The following KCTD7 variants were observed in gnomAD, a reference collection of about 807,000 sequenced individuals.
KCTD7 encodes BTB/POZ domain-containing protein KCTD7.
A neutral mutation model predicts 27.0 loss-of-function variants in KCTD7; 15 were observed. The ratio of observed to expected loss-of-function variants is 0.56; its 90% CI spans 0.37 to 0.86. The LOEUF (loss-of-function observed/expected upper bound fraction) is 0.86. Ranked by LOEUF, KCTD7 falls within the 40% of genes least tolerant of loss-of-function variation. The pLI, the probability that KCTD7 is intolerant of heterozygous loss-of-function variation, is 0.00. For missense variants in KCTD7, 299 were observed against 398.9 expected, an observed-to-expected ratio of 0.75 and a Z score of 2.13; for synonymous variants, 159 against 162.7, an observed-to-expected ratio of 0.98 and a Z score of 0.17.
At position 66,642,628 on chromosome 7, in the gene KCTD7, A is replaced by G; in HGVS notation, c.*3396A>G. ...TATGTTCTATCCATATTTGATTCCA[A>G]TATACATTATTAAGCTTTCTTGGGT... is the stretch of plus-strand genomic sequence containing the variant. On this transcript the variant is annotated 3_prime_UTR_variant, in exon 4 of 4. Coordinates refer to ENST00000639828, the MANE Select transcript of KCTD7 (RefSeq NM_153033.5). 2 of 985,366 alleles carry G rather than the reference A, an allele frequency of 2.0e-6. No homozygotes were observed. The highest frequency in any genetic ancestry group is 2.4e-6 in the Non-Finnish European group (2 of 829,908). 61.0% of individuals were successfully genotyped at this position (985,366 alleles called of 1,614,324 possible).
At chr7:66,631,289 A>C (rs1786435639) in intron 1 of KCTD7, among the ~76,000 whole-genome samples, 1 of 152,192 alleles carries the variant, frequency 6.6e-6, no homozygotes, top group African/African-American at 2.4e-5. Context: ...GAGAGATGTA[A>C]TATTGAAAAG....
At chr7:66,630,560 A>G (rs1289721375) in intron 1 of KCTD7, among the ~76,000 whole-genome samples, 1 of 152,170 alleles carries the variant, frequency 6.6e-6, no homozygotes, top group Non-Finnish European at 1.5e-5. Flanking sequence ...GCCCTCAACA[A>G]TTGAGGCCCT....
At chr7:66,636,956 A>G (rs1786600120) in intron 2 of KCTD7, among the ~76,000 whole-genome samples, 1 of 152,080 alleles carries the variant, frequency 6.6e-6, no homozygotes, top group Non-Finnish European at 1.5e-5. Flanking sequence ...AACACCTAGA[A>G]CTCTTCTGCA....
Position 66,642,054 on chromosome 7 carries a change from G to A in KCTD7, c.*2822G>A, listed in dbSNP as rs533167133. 8 of 985,480 alleles carry A rather than the reference G, an allele frequency of 8.1e-6. No homozygotes were observed. The East Asian group carries it at 9.1e-4, about 112-fold the overall frequency. 61.0% of individuals were successfully genotyped at this position (985,480 alleles called of 1,614,324 possible). ...CCTTGAGACGGGCCAGTAGTTATCA[G>A]TGAGTCAAAGCAAAGTGAAAGTTTC... On this transcript the variant is annotated 3_prime_UTR_variant, in exon 4 of 4. Transcript: ENST00000639828.
At position 66,640,470 on chromosome 7, in the gene KCTD7, C is replaced by A; in HGVS notation, c.*1238C>A. 2.0e-6 allele frequency: 3 copies of A among 1,536,710 alleles called. No individual in the cohort carries two copies. The highest frequency in any genetic ancestry group is 4.9e-5 in the East Asian group (2 of 40,916). On this transcript the variant is annotated 3_prime_UTR_variant, in exon 4 of 4. Coordinates refer to ENST00000639828, the MANE Select transcript of KCTD7 (RefSeq NM_153033.5). Reference sequence around the variant, plus strand: ...CTGTCTACAGCCTAGGCCAACTAGTCAGGGTCTGGACATGCATCTCCTAAA... The same window carrying A: ...CTGTCTACAGCCTAGGCCAACTAGTAAGGGTCTGGACATGCATCTCCTAAA...
intron 1 of KCTD7, among the ~76,000 whole-genome samples, chr7:66,631,913 T>C (rs1786452001): frequency 2.6e-5 from 4 of 152,162 alleles, no homozygotes. Context: ...CAGCCCATGA[T>C]TGGTGACCAA....
At position 66,641,884 on chromosome 7, in the gene KCTD7, C is replaced by A. The variant is rs1309303256; in HGVS notation, c.*2652C>A. On this transcript the variant is annotated 3_prime_UTR_variant, in exon 4 of 4. Coordinates refer to ENST00000639828, the MANE Select transcript of KCTD7 (RefSeq NM_153033.5). ...CTTTTCAACTCTAAATGGCCAGGCC[C>A]AGAACAGAAGAAGGGTTGGGTCTGG... 2.0e-6 allele frequency: 2 copies of A among 985,264 alleles called. No individual in the cohort carries two copies. Among genetic ancestry groups the A allele is most frequent in the Non-Finnish European group, 2.4e-6 (2 of 829,940 alleles). The allele number at this position is 985,264 out of a possible 1,614,324, so 61.0% of individuals were successfully genotyped here.
Position 66,628,931 on chromosome 7 carries a change from C to G in KCTD7, c.-134C>G. On this transcript the variant is annotated 5_prime_UTR_variant, in exon 1 of 4. Coordinates refer to ENST00000639828, the MANE Select transcript of KCTD7 (RefSeq NM_153033.5). The stretch of plus-strand genomic sequence containing the variant: ...GAGGGAGCCACCGCCCTCCCGCCTG[C>G]GCACTGCCTCTCGCCCCCCTCCGGC... 1 of 878,862 alleles carries G rather than the reference C, an allele frequency of 1.1e-6. No homozygotes were observed. The highest frequency in any genetic ancestry group is 2.5e-5 in the South Asian group (1 of 39,334). The allele number at this position is 878,862 out of a possible 1,614,324, so 54.4% of individuals were successfully genotyped here. A position where few individuals can be genotyped will look rare whatever the true frequency, so the allele number is the denominator to read the frequency against.
In KCTD7 at chr7:66,639,556, G is replaced by C. The variant is rs986221954; in HGVS notation, c.*324G>C. Reference sequence around the variant, plus strand: ...GAAGTTTTGTCACCTTCTTGACCTTGCAAGAGAGTTTCTGCCCATTTTAGA... The same window carrying C: ...GAAGTTTTGTCACCTTCTTGACCTTCCAAGAGAGTTTCTGCCCATTTTAGA... On this transcript the variant is annotated 3_prime_UTR_variant, in exon 4 of 4. Coordinates refer to ENST00000639828, the MANE Select transcript of KCTD7 (RefSeq NM_153033.5). 7.3e-7 allele frequency: 1 copy of C among 1,361,880 alleles called. No individual in the cohort carries two copies. Among genetic ancestry groups the C allele is most frequent in the African/African-American group, 1.5e-5 (1 of 68,470 alleles). 84.4% of individuals were successfully genotyped at this position (1,361,880 alleles called of 1,614,324 possible).
intron 1 of KCTD7, among the ~76,000 whole-genome samples, chr7:66,632,234 TC>T (rs1786464225): frequency 6.7e-6 from 1 of 149,816 alleles, no homozygotes; most frequent in Non-Finnish European, 1.5e-5. Context: ...ACGCCGGTAA[TC>T]CCAGCACTTG....
chr7:66,634,286 T>C (rs1420124756), intron 2 of KCTD7, among the ~76,000 whole-genome samples: 12 of 151,720 alleles, frequency 7.9e-5, no homozygotes, highest in Middle Eastern at 3.2e-3. Context: ...CTCCTGGCCT[T>C]AGGCAGTCCT....
intron 1 of KCTD7, among the ~76,000 whole-genome samples, chr7:66,630,008 A>G (rs1183143724): frequency 6.6e-6 from 1 of 152,198 alleles, no homozygotes; most frequent in African/African-American, 2.4e-5. Context: ...ATGGTGGCTC[A>G]CATCTGTAAT....
At chr7:66,632,640 G>T (rs915991509) in intron 1 of KCTD7, among the ~76,000 whole-genome samples, 2 of 152,106 alleles carry the variant, frequency 1.3e-5, no homozygotes, top group African/African-American at 4.8e-5. Context: ...GGGCAAAGAA[G>T]ACAATGTGAG....
rs1786749243 is a variant in KCTD7 at position 66,642,727 on chromosome 7, C to G, written c.*3495C>G. 4.1e-6 allele frequency: 4 copies of G among 985,218 alleles called. No homozygotes were observed. The highest frequency in any genetic ancestry group is 4.8e-6 in the Non-Finnish European group (4 of 829,894). The allele number at this position is 985,218 out of a possible 1,614,324, so 61.0% of individuals were successfully genotyped here. On this transcript the variant is annotated 3_prime_UTR_variant, in exon 4 of 4. Coordinates refer to ENST00000639828, the MANE Select transcript of KCTD7 (RefSeq NM_153033.5). The stretch of plus-strand genomic sequence containing the variant: ...CTTAAAAGAGAGAGGCTTTTTTCAT[C>G]CAAAGCTGTAGTGTTGGGAACTGGG...
At chr7:66,631,928 C>T (rs901310560) in intron 1 of KCTD7, among the ~76,000 whole-genome samples, 3 of 152,138 alleles carry the variant, frequency 2.0e-5, no homozygotes, top group Admixed American at 6.5e-5. Context: ...GACCAAGATG[C>T]TTTCCCTGTC....
Position 66,629,153 on chromosome 7 carries a change from C to G in KCTD7, c.89C>G (p.Pro30Arg). Residue 30 changes from proline (P) to arginine (R), a missense_variant, in exon 1 of 4, where the codon CCG (proline) becomes CGG (arginine). Pro to Arg is a moderately radical substitution (Grantham distance 103). Coordinates refer to ENST00000639828, the MANE Select transcript of KCTD7 (RefSeq NM_153033.5). Reference protein sequence around the residue: ...SSDAEDDFLEPATPTATQAGH... With the variant: ...SSDAEDDFLERATPTATQAGH... ...GACGCCGAAGACGACTTTCTGGAGC[C>G]GGCCACGCCGACGGCCACGCAGGCG... is the stretch of plus-strand genomic sequence containing the variant. 16 of 1,526,390 alleles carry G rather than the reference C, an allele frequency of 1.0e-5. No individual in the cohort carries two copies. The highest frequency in any genetic ancestry group is 1.4e-5 in the Non-Finnish European group (16 of 1,137,766). The allele number at this position is 1,526,390 out of a possible 1,614,324, so 94.6% of individuals were successfully genotyped here.
rs1365741710 is a variant in KCTD7, at chr7:66,641,797, G to A, written c.*2565G>A. On this transcript the variant is annotated 3_prime_UTR_variant, in exon 4 of 4. Coordinates refer to ENST00000639828, the MANE Select transcript of KCTD7 (RefSeq NM_153033.5). ...AAAGTGCAATTAGATGTGGTGGATT[G>A]TGGTAACGGCCTCCAGATAAAGGGG... The A allele has an allele frequency of 1.7e-5, 17 of 985,318 alleles. No homozygotes were observed. In the Admixed American group the frequency reaches 4.3e-4, roughly 25 times the overall value. 61.0% of individuals were successfully genotyped at this position (985,318 alleles called of 1,614,324 possible). A position where few individuals can be genotyped will look rare whatever the true frequency, so the allele number is the denominator to read the frequency against.
chr7:66,635,531 C>T (rs1242138237), intron 2 of KCTD7, among the ~76,000 whole-genome samples: 14 of 151,062 alleles, frequency 9.3e-5, no homozygotes, highest in Non-Finnish European at 2.9e-5. Context: ...GAGTACGTGG[C>T]TGGAACTCTT....
At chr7:66,630,017 A>C (rs2116757731) in intron 1 of KCTD7, among the ~76,000 whole-genome samples, 1 of 152,310 alleles carries the variant, frequency 6.6e-6, no homozygotes, top group Admixed American at 6.5e-5. Context: ...CACATCTGTA[A>C]TCTCAGCAGT....
Sources: gnomAD v4.1 joint callset for allele counts (sites outside exome capture counted in the v4.1 genomes callset) on GRCh38, gnomAD v4.1.1 for gene constraint, MANE v1.5 for transcripts, NCBI Gene and HGNC (gene_info 2026-07-23, HGNC 2026-07-21) for gene names.